The following SBNO2 variants were observed in gnomAD, a reference collection of about 807,000 sequenced individuals.
The protein encoded by SBNO2 is strawberry notch homolog 2.
In SBNO2, 89 loss-of-function variants were observed where a neutral mutation model predicts 146.3. The ratio of observed to expected loss-of-function variants is 0.61; its 90% confidence interval spans 0.51 to 0.73. The LOEUF (loss-of-function observed/expected upper bound fraction) is 0.73. Among genes scored for constraint, SBNO2 ranks in the 30% least tolerant of loss-of-function variants. The probability of loss-of-function intolerance (pLI) is 0.00; values close to 1 mark genes in which losing one functional copy is unlikely to be tolerated. For synonymous variants in SBNO2, 1,147 were observed against 892.6 expected, an observed-to-expected ratio of 1.29 and a Z score of -5.08; for missense variants, 2,092 against 2,003.7, an observed-to-expected ratio of 1.04 and a Z score of -0.84.
At chr19:1,127,324 G>C (rs910210499) in intron 5 of SBNO2, among the ~76,000 whole-genome samples, 7 of 152,206 alleles carry the variant, frequency 4.6e-5, no homozygotes, top group African/African-American at 7.2e-5. Context: ...GGCACTGCAG[G>C]GCGCTGGGCA....
At chr19:1,171,054 G>T (rs1287850170) in intron 1 of SBNO2, among the ~76,000 whole-genome samples, 1 of 151,138 alleles carries the variant, frequency 6.6e-6, no homozygotes, top group African/African-American at 2.4e-5. Context: ...CATGAACATG[G>T]GTACACACAG....
intron 1 of SBNO2, among the ~76,000 whole-genome samples, chr19:1,169,588 G>A (rs967574501): frequency 2.0e-4 from 30 of 152,266 alleles, no homozygotes; most frequent in Middle Eastern, 6.8e-3. Context: ...AGGGGCCCCC[G>A]GGGGGTGGGG....
chr19:1,134,855 G>T (rs538453237), intron 4 of SBNO2, among the ~76,000 whole-genome samples: 11 of 152,148 alleles, frequency 7.2e-5, no homozygotes, highest in African/African-American at 2.7e-4. Flanking sequence ...AGACCAGCCT[G>T]GCCAGCATGG....
At position 1,114,360 on chromosome 19, in the gene SBNO2, G is replaced by A. The variant is rs372375311; in HGVS notation, c.1948C>T (p.Arg650Cys). The A allele has an allele frequency of 2.6e-5, 40 of 1,556,686 alleles. No individual in the cohort carries two copies. In the African/African-American group the frequency reaches 3.7e-4, roughly 14 times the overall value. Residue 650 changes from arginine to cysteine, a missense_variant, in exon 18 of 32, where the codon CGC becomes TGC. Physicochemically the swap from Arg to Cys is radical, Grantham distance 180. Transcript: ENST00000361757. Reference protein sequence around the residue: ...RLACETAGVIRISDDSSTESD... With the variant: ...RLACETAGVICISDDSSTESD... ...TCCGTGCTGCTGTCGTCACTGATGC[G>A]GATGACGCCCGCTGTCTCGCACGCC...
At chr19:1,130,180 A>G (rs2080012533) in intron 4 of SBNO2, among the ~76,000 whole-genome samples, 1 of 152,184 alleles carries the variant, frequency 6.6e-6, no homozygotes, top group South Asian at 2.1e-4. Flanking sequence ...CAATCCAAGC[A>G]AAGCGTGGGC....
chr19:1,108,137 G>C lies in SBNO2; in HGVS notation c.*83C>G, dbSNP rs527624372. 1.5e-6 allele frequency: 2 copies of C among 1,375,942 alleles called. No individual in the cohort carries two copies. Among genetic ancestry groups the C allele is most frequent in the Admixed American group, 5.2e-5 (2 of 38,462 alleles). The allele number at this position is 1,375,942 out of a possible 1,614,324, so 85.2% of individuals were successfully genotyped here. On this transcript the variant is annotated 3_prime_UTR_variant, in exon 32 of 32. Transcript: ENST00000361757. The stretch of plus-strand genomic sequence containing the variant: ...TAGGGCTCCTCTGAGCAGTGGTCAG[G>C]GGACCTTGGCCCTGCTCCCCACCGC...
intron 4 of SBNO2, among the ~76,000 whole-genome samples, chr19:1,133,965 G>A (rs1443363878): frequency 6.6e-6 from 1 of 152,202 alleles, no homozygotes; most frequent in Non-Finnish European, 1.5e-5. Context: ...CCATCAGGAG[G>A]ACCCACAGCT....
intron 4 of SBNO2, among the ~76,000 whole-genome samples, chr19:1,132,429 C>T (rs2080041721): frequency 6.6e-6 from 1 of 152,238 alleles, no homozygotes; most frequent in Admixed American, 6.5e-5. Context: ...CACGCAACCC[C>T]ACCCGTGCCC....
At position 1,157,014 on chromosome 19, in the gene SBNO2, C is replaced by A. The variant is rs997074248; in HGVS notation, c.-126-2612G>T. ...TTTCCGCCCACTGCCAGCCCCCCAT[C>A]GCCTCCCACCCTGTCCTCGGCCATA... On this transcript the variant is annotated intron_variant, in intron 1 of 31. Transcript: ENST00000361757. This position sits in a 1 kb window ranked among gnomAD's most constrained non-coding sequence, Gnocchi z 6.8. Among the ~76,000 whole-genome samples the A allele has an allele frequency of 3.7e-5, 3 of 80,514 alleles. No individual in the cohort carries two copies. Among genetic ancestry groups the A allele is most frequent in the South Asian group, 1.1e-3 (2 of 1,850 alleles). 52.8% of individuals were successfully genotyped at this position (80,514 alleles called of 152,430 possible). A position where few individuals can be genotyped will look rare whatever the true frequency, so the allele number is the denominator to read the frequency against.
intron 2 of SBNO2, among the ~76,000 whole-genome samples, chr19:1,149,784 C>T (rs949259798): frequency 2.0e-5 from 3 of 152,198 alleles, no homozygotes; most frequent in African/African-American, 4.8e-5. Flanking sequence ...CCGCTGGCCC[C>T]GGGACCCTGC....
intron 4 of SBNO2, among the ~76,000 whole-genome samples, chr19:1,131,760 C>T (rs926653352): frequency 2.0e-5 from 3 of 152,202 alleles, no homozygotes; most frequent in East Asian, 1.9e-4. Flanking sequence ...GCAGCCCTCC[C>T]GACAGCCACT....
Position 1,144,145 on chromosome 19 carries a change from C to T in SBNO2, c.279+3164G>A, listed in dbSNP as rs568650170. ...CTGGGCTGACTCATACCCGTCCCGT[C>T]CCACACTTGGCACCGCGGGACCACG... On this transcript the variant is annotated intron_variant, in intron 4 of 31. Coordinates refer to ENST00000361757, the MANE Select transcript of SBNO2 (RefSeq NM_014963.3). The surrounding 1 kb of genome is among the most constrained non-coding windows in gnomAD (Gnocchi z 4.1). Among the ~76,000 whole-genome samples, 1 of 151,868 alleles carries T rather than the reference C, an allele frequency of 6.6e-6. No individual in the cohort carries two copies. Among genetic ancestry groups the T allele is most frequent in the South Asian group, 2.1e-4 (1 of 4,808 alleles).
rs184625694 is a variant in SBNO2 at position 1,166,666 on chromosome 19, C to T, written c.-127+7506G>A. On this transcript the variant is annotated intron_variant, in intron 1 of 31. Coordinates refer to ENST00000361757, the MANE Select transcript of SBNO2 (RefSeq NM_014963.3). ...ACACACACACGCTAAAAGCCACACA[C>T]GCTAAAAACCTTTTAACATGCTGAG... is the stretch of plus-strand genomic sequence containing the variant. Among the ~76,000 whole-genome samples the T allele has an allele frequency of 7.0e-4, 107 of 151,864 alleles. No homozygotes were observed. The Middle Eastern group carries it at 0.01, about 14-fold the overall frequency.
intron 14 of SBNO2, among the ~76,000 whole-genome samples, 152 bp from the exon 15 acceptor site, chr19:1,117,651 G>C (rs1420573488): frequency 1.3e-5 from 2 of 152,264 alleles, no homozygotes; most frequent in Non-Finnish European, 2.9e-5. Context: ...CACTGTAAGA[G>C]GCACTGCCTC....
At chr19:1,111,764 ACC>A in intron 23 of SBNO2, 150 bp from the exon 24 acceptor site, 1 of 395,728 alleles carries the variant, frequency 2.5e-6, no homozygotes, top group Non-Finnish European at 4.1e-6. Context: ...GCTCTCAGCC[ACC>A]TCCTCCCCGG....
chr19:1,149,570 C>G (rs1405685226), intron 2 of SBNO2, 128 bp from the exon 3 acceptor site: 6 of 791,092 alleles, frequency 7.6e-6, no homozygotes, highest in South Asian at 6.4e-5. Context: ...CCATCCCGCC[C>G]CTGCTGGTAT....
At position 1,109,901 on chromosome 19, in the gene SBNO2, T is replaced by C. The variant is rs2079734403; in HGVS notation, c.3029-124A>G. The C allele has an allele frequency of 1.4e-6, 1 of 716,122 alleles. No individual in the cohort carries two copies. The highest frequency in any genetic ancestry group is 1.8e-5 in the African/African-American group (1 of 55,854). The allele number at this position is 716,122 out of a possible 1,614,324, so 44.4% of individuals were successfully genotyped here. A position where few individuals can be genotyped will look rare whatever the true frequency, so the allele number is the denominator to read the frequency against. On this transcript the variant is annotated intron_variant, in intron 26 of 31. Coordinates refer to ENST00000361757, the MANE Select transcript of SBNO2 (RefSeq NM_014963.3). This position sits in a 1 kb window ranked among gnomAD's most constrained non-coding sequence, Gnocchi z 4.2. ...CCCGAGAGCACAGGAGAGGGTGTCC[T>C]GGATCCTGGCCTGACCTGGCCCAGC...
At chr19:1,115,963 C>T in intron 17 of SBNO2, 58 bp downstream of exon 17, 1 of 1,313,134 alleles carries the variant, frequency 7.6e-7, no homozygotes, top group Non-Finnish European at 1.0e-6. Context: ...CCAGCCAGCC[C>T]CCGGGGGGAG....
chr19:1,172,214 G>A (rs185122134), intron 1 of SBNO2, among the ~76,000 whole-genome samples: 23 of 152,302 alleles, frequency 1.5e-4, no homozygotes, highest in African/African-American at 4.8e-4. Context: ...CTCCAAGGAC[G>A]AGAGCCTGCC....
Sources: gnomAD v4.1 joint callset for allele counts (sites outside exome capture counted in the v4.1 genomes callset) on GRCh38, gnomAD v4.1.1 for gene constraint, Gnocchi (gnomAD v3.1) non-coding constraint, MANE v1.5 for transcripts, NCBI Gene and HGNC (gene_info 2026-07-23, HGNC 2026-07-21) for gene names.